The following PRKCQ variants were observed in gnomAD, a reference collection of about 807,000 sequenced individuals.
The protein encoded by PRKCQ is protein kinase C theta type.
PRKCQ carries 41 observed loss-of-function variants against 91.2 expected under a neutral mutation model. The ratio of observed to expected loss-of-function variants is 0.45; its 90% CI spans 0.35 to 0.58. PRKCQ has a LOEUF of 0.58. PRKCQ is among the 20% of genes least tolerant of loss of function. PRKCQ has a pLI of 0.00. For missense variants in PRKCQ, 673 were observed against 896.5 expected, an observed-to-expected ratio of 0.75 and a Z score of 3.18; for synonymous variants, 307 against 316.9, an observed-to-expected ratio of 0.97 and a Z score of 0.33.
chr10:6,401,891 T>C, the PRKCQ span, among the ~76,000 whole-genome samples: 1 of 152,216 alleles, frequency 6.6e-6, no homozygotes. Flanking sequence ...TTCCCATCTC[T>C]AATCCTGCCT....
intron 11 of PRKCQ, among the ~76,000 whole-genome samples, chr10:6,482,911 C>T (rs921971835): frequency 2.6e-5 from 4 of 152,124 alleles, no homozygotes; most frequent in African/African-American, 7.2e-5. Context: ...GATTCAATCA[C>T]CTTCCACTGG....
At position 6,430,704 on chromosome 10, in the gene PRKCQ, G is replaced by T. The variant is rs951423297; in HGVS notation, c.1965+106C>A. 5 of 1,477,874 alleles carry T rather than the reference G, an allele frequency of 3.4e-6. No individual in the cohort carries two copies. Among genetic ancestry groups the T allele is most frequent in the Middle Eastern group, 1.9e-4 (1 of 5,238 alleles). 91.5% of individuals were successfully genotyped at this position (1,477,874 alleles called of 1,614,324 possible). A position where few individuals can be genotyped will look rare whatever the true frequency, so the allele number is the denominator to read the frequency against. The stretch of plus-strand genomic sequence containing the variant: ...TCCTGGAGAGTGGGGCTGGTGGGGA[G>T]TTGGGGCACCGGCAGGGGTGAGCAG... On this transcript the variant is annotated intron_variant, in intron 17 of 17. Transcript: ENST00000263125. The surrounding 1 kb of genome is among the most constrained non-coding windows in gnomAD (Gnocchi z 4.7).
At chr10:6,474,542 A>G (rs1295073501) in intron 12 of PRKCQ, among the ~76,000 whole-genome samples, 2 of 152,184 alleles carry the variant, frequency 1.3e-5, no homozygotes, top group Non-Finnish European at 2.9e-5. Context: ...TTTCCAAACA[A>G]ATTTTAGAAA....
intron 14 of PRKCQ, among the ~76,000 whole-genome samples, chr10:6,461,098 T>C (rs1338412398): frequency 8.0e-6 from 1 of 124,666 alleles, no homozygotes; most frequent in Non-Finnish European, 1.8e-5. Flanking sequence ...TTATCCATCA[T>C]TTATCCATCC....
At chr10:6,426,882 C>A (rs536638266), downstream of PRKCQ, among the ~76,000 whole-genome samples, 48 of 152,266 alleles carry the variant, frequency 3.2e-4, no homozygotes, top group East Asian at 9.1e-3. Flanking sequence ...ATTATAGGCC[C>A]CCGCCACCAC....
chr10:6,467,101 T>C (rs571465603), intron 12 of PRKCQ, among the ~76,000 whole-genome samples: 8 of 152,214 alleles, frequency 5.3e-5, no homozygotes, highest in Admixed American at 5.2e-4. Context: ...GCAGCTGTCC[T>C]TCTAGGAAGC....
At chr10:6,531,751 A>G (rs1388104795) in intron 1 of PRKCQ, among the ~76,000 whole-genome samples, 1 of 152,172 alleles carries the variant, frequency 6.6e-6, no homozygotes, top group Non-Finnish European at 1.5e-5. Context: ...GAATAAGTAA[A>G]TGGATGAATC....
intron 11 of PRKCQ, among the ~76,000 whole-genome samples, chr10:6,481,726 G>A (rs1239813302): frequency 6.6e-6 from 1 of 152,202 alleles, no homozygotes; most frequent in African/African-American, 2.4e-5. Flanking sequence ...CCAAAGTCTG[G>A]TGAGCAGTTG....
At chr10:6,462,987 A>G (rs545417) in intron 13 of PRKCQ, among the ~76,000 whole-genome samples, 18,717 of 149,838 alleles carry the variant, frequency 0.12, 1,401 homozygotes, top group African/African-American at 0.21. Context: ...CATGGACGAC[A>G]GAGCAAGACT....
At chr10:6,538,946 T>G (rs943977042) in intron 1 of PRKCQ, among the ~76,000 whole-genome samples, 1 of 152,288 alleles carries the variant, frequency 6.6e-6, no homozygotes, top group Admixed American at 6.5e-5. Context: ...TGTATTTTAG[T>G]AGAGATGGGG....
Position 6,511,859 on chromosome 10 carries a change from T to C in PRKCQ, c.119-665A>G, listed in dbSNP as rs185999278. 7.4e-4 allele frequency among the ~76,000 whole-genome samples: 113 copies of C among 152,334 alleles called. 1 individual carries two copies. The highest frequency in any genetic ancestry group is 2.7e-3 in the African/African-American group (111 of 41,576). On this transcript the variant is annotated intron_variant, in intron 2 of 17. Transcript: ENST00000263125. The stretch of plus-strand genomic sequence containing the variant: ...TTAAGATCAGAAGGGTCCATTTCTA[T>C]AATCAGCCAAAAACAACTGTCTATG...
chr10:6,491,240 C>A (rs1837277385), intron 8 of PRKCQ, among the ~76,000 whole-genome samples: 1 of 152,102 alleles, frequency 6.6e-6, no homozygotes, highest in African/African-American at 2.4e-5. Context: ...TGGGCTTGCT[C>A]CTTGATGAGA....
intron 12 of PRKCQ, among the ~76,000 whole-genome samples, chr10:6,472,352 G>A (rs1032491907): frequency 5.9e-5 from 9 of 152,076 alleles, no homozygotes; most frequent in Non-Finnish European, 1.2e-4. Context: ...GGAAAGATGC[G>A]GCATTTCAGA....
At position 6,430,876 on chromosome 10, in the gene PRKCQ, C is replaced by G. The variant is rs758729524; in HGVS notation, c.1899G>C (p.Leu633Phe). 1 of 1,614,184 alleles carries G rather than the reference C, an allele frequency of 6.2e-7. No homozygotes were observed. The highest frequency in any genetic ancestry group is 1.1e-5 in the South Asian group (1 of 91,080). Reference protein sequence around the residue: ...GVRGDIRQHPLFREINWEELE... With the variant: ...GVRGDIRQHPFFREINWEELE... ...GTTCCTCCCAGTTGATCTCCCGAAA[C>G]AAAGGGTGCTGGCGGATGTCTCCCC... Residue 633 changes from leucine (L) to phenylalanine (F), a missense_variant, in exon 17 of 18, where the codon TTG becomes TTC. Transcript: ENST00000263125. This position sits in a 1 kb window ranked among gnomAD's most constrained non-coding sequence, Gnocchi z 4.7.
At chr10:6,569,519 TTA>T (rs1840957501) in intron 1 of PRKCQ, among the ~76,000 whole-genome samples, 1 of 151,988 alleles carries the variant, frequency 6.6e-6, no homozygotes, top group African/African-American at 2.4e-5. Flanking sequence ...TTTGGAGAAC[TTA>T]AGAGCAGGGA....
chr10:6,542,560 AT>A (rs752868276), intron 1 of PRKCQ, among the ~76,000 whole-genome samples: 30 of 152,332 alleles, frequency 2.0e-4, no homozygotes, highest in Admixed American at 7.8e-4. Flanking sequence ...TTAACACCCT[AT>A]AACACAGCAT....
chr10:6,552,432 T>TGCAACA (rs1453825786), intron 1 of PRKCQ, among the ~76,000 whole-genome samples: 2 of 151,690 alleles, frequency 1.3e-5, no homozygotes, highest in African/African-American at 4.8e-5. Flanking sequence ...TCTCACTGTC[T>TGCAACA]GCAACAGCAG....
At chr10:6,522,599 A>G (rs995479547) in intron 1 of PRKCQ, among the ~76,000 whole-genome samples, 11 of 152,248 alleles carry the variant, frequency 7.2e-5, no homozygotes, top group African/African-American at 2.7e-4. Context: ...TGAAAAAAAT[A>G]TCAAGCATTC....
chr10:6,408,174 C>T, the PRKCQ span, among the ~76,000 whole-genome samples: 7 of 147,946 alleles, frequency 4.7e-5, no homozygotes, highest in Admixed American at 4.8e-4. Context: ...CCCTACTTTT[C>T]CTTGCAATTT....
Sources: allele counts gnomAD v4.1 joint callset (sites outside exome capture counted in the v4.1 genomes callset), GRCh38; gene constraint gnomAD v4.1.1; non-coding constraint Gnocchi (gnomAD v3.1); transcripts MANE v1.5; gene names NCBI Gene and HGNC (gene_info 2026-07-23, HGNC 2026-07-21).